DPF3: variants seen among roughly 807,000 people sequenced by gnomAD.
The protein encoded by DPF3 is zinc finger protein DPF3.
DPF3 carries 18 observed loss-of-function variants against 56.8 expected under a neutral mutation model. The ratio of observed to expected loss-of-function variants is 0.32; its 90% CI spans 0.22 to 0.47. The LOEUF is 0.47. DPF3 is among the 20% of genes least tolerant of loss of function. The probability of loss-of-function intolerance (pLI) is 1.00; values close to 1 mark genes in which losing one functional copy is unlikely to be tolerated. For missense variants in DPF3, 403 were observed against 488.8 expected (o/e 0.82, Z 1.65); for synonymous variants, 188 against 180.2 (o/e 1.04, Z -0.35).
At chr14:72,713,913 C>T (rs1485350567) in intron 6 of DPF3, among the ~76,000 whole-genome samples, 1 of 152,180 alleles carries the variant, frequency 6.6e-6, no homozygotes, top group Non-Finnish European at 1.5e-5. Flanking sequence ...AGATTGAGGG[C>T]CATTTATTAA....
intron 6 of DPF3, 87 bp from the exon 7 acceptor site, chr14:72,693,300 C>T: frequency 6.9e-7 from 1 of 1,440,804 alleles, no homozygotes; most frequent in East Asian, 2.5e-5. Flanking sequence ...ACAGTGATCC[C>T]ATCCATCCAC....
intron 1 of DPF3, among the ~76,000 whole-genome samples, chr14:72,792,661 G>A (rs1235365020): frequency 6.6e-6 from 1 of 151,840 alleles, no homozygotes; most frequent in South Asian, 2.1e-4. Flanking sequence ...CCAAGGACCC[G>A]CAGTAGCAGC....
At chr14:72,642,092 T>C (rs989276833) in intron 8 of DPF3, among the ~76,000 whole-genome samples, 1 of 152,180 alleles carries the variant, frequency 6.6e-6, no homozygotes, top group Admixed American at 6.5e-5. Flanking sequence ...GAGAGTGAGC[T>C]TGGAAGTGAC....
chr14:72,853,804 C>T (rs1458691835), intron 1 of DPF3, among the ~76,000 whole-genome samples: 1 of 152,178 alleles, frequency 6.6e-6, no homozygotes, highest in African/African-American at 2.4e-5. Context: ...TGCAAACTTT[C>T]ACTGCAGTAC....
chr14:72,845,726 C>A (rs1423158996), intron 1 of DPF3, among the ~76,000 whole-genome samples: 1 of 152,186 alleles, frequency 6.6e-6, no homozygotes, highest in Admixed American at 6.5e-5. Context: ...AAACCATCTC[C>A]AACATCTGTT....
chr14:72,705,002 T>C (rs1204856884), intron 6 of DPF3, among the ~76,000 whole-genome samples: 1 of 152,144 alleles, frequency 6.6e-6, no homozygotes, highest in African/African-American at 2.4e-5. Context: ...TTCCTAGAGA[T>C]GTCCCTAGGA....
At chr14:72,851,976 T>G (rs1885002256) in intron 1 of DPF3, among the ~76,000 whole-genome samples, 1 of 152,232 alleles carries the variant, frequency 6.6e-6, no homozygotes, top group Non-Finnish European at 1.5e-5. Flanking sequence ...CAAACATCAA[T>G]TAATCCTCAA....
chr14:72,631,827 T>C (rs1051130209), intron 8 of DPF3, among the ~76,000 whole-genome samples: 1 of 152,208 alleles, frequency 6.6e-6, no homozygotes, highest in Non-Finnish European at 1.5e-5. Context: ...AGGAAAAGCA[T>C]AATTGGCCGT....
chr14:72,826,746 GAC>G (rs757832909), intron 1 of DPF3, among the ~76,000 whole-genome samples: 3 of 152,068 alleles, frequency 2.0e-5, no homozygotes, highest in Non-Finnish European at 2.9e-5. Context: ...CTGGGAACAA[GAC>G]ACATTCACAG....
intron 1 of DPF3, among the ~76,000 whole-genome samples, chr14:72,840,532 C>T (rs1884502251): frequency 6.6e-6 from 1 of 151,962 alleles, no homozygotes; most frequent in African/African-American, 2.4e-5. Context: ...TGTAATTTTA[C>T]ACACACACAC....
chr14:72,751,179 G>A (rs1337880512), intron 3 of DPF3, among the ~76,000 whole-genome samples: 1 of 152,020 alleles, frequency 6.6e-6, no homozygotes, highest in Non-Finnish European at 1.5e-5. Flanking sequence ...AACAGAGCGT[G>A]ACCCTACCCT....
chr14:72,837,376 G>T (rs1884340741), intron 1 of DPF3, among the ~76,000 whole-genome samples: 1 of 151,998 alleles, frequency 6.6e-6, no homozygotes, highest in Non-Finnish European at 1.5e-5. Flanking sequence ...GCATTTTTTT[G>T]GGGTCCTACT....
intron 1 of DPF3, among the ~76,000 whole-genome samples, chr14:72,797,140 C>A (rs1189327066): frequency 6.6e-6 from 1 of 152,220 alleles, no homozygotes; most frequent in Non-Finnish European, 1.5e-5. Flanking sequence ...TTCCCTTCTG[C>A]TCTCCGGGAA....
chr14:72,717,511 C>T (rs747895193), intron 5 of DPF3, among the ~76,000 whole-genome samples: 7 of 152,180 alleles, frequency 4.6e-5, no homozygotes, highest in Non-Finnish European at 8.8e-5. Context: ...CAGTCAGGTG[C>T]CTGCTGTTTC....
chr14:72,873,173 TC>T (rs570037559), intron 1 of DPF3, among the ~76,000 whole-genome samples: 6,813 of 152,118 alleles, frequency 0.045, 233 homozygotes, highest in Non-Finnish European at 0.074. Context: ...AATCTACTCA[TC>T]TGACAAAGGG....
chr14:72,772,199 G>A (rs1422466303), intron 1 of DPF3, among the ~76,000 whole-genome samples: 1 of 152,206 alleles, frequency 6.6e-6, no homozygotes, highest in Non-Finnish European at 1.5e-5. Flanking sequence ...GAAGCATGAG[G>A]TCCCACTCCA....
chr14:72,826,844 C>T (rs1883824443), intron 1 of DPF3, among the ~76,000 whole-genome samples: 1 of 152,028 alleles, frequency 6.6e-6, no homozygotes, highest in African/African-American at 2.4e-5. Context: ...AGATCAAGAC[C>T]ATCCTGGCAA....
At chr14:72,650,047 G>A (rs1209909820) in intron 8 of DPF3, among the ~76,000 whole-genome samples, 1 of 152,172 alleles carries the variant, frequency 6.6e-6, no homozygotes, top group East Asian at 1.9e-4. Context: ...CCTGCCAGAG[G>A]GCTGGGGCAA....
intron 8 of DPF3, among the ~76,000 whole-genome samples, chr14:72,667,164 G>A (rs78071894): frequency 0.02 from 3,008 of 152,058 alleles, 66 homozygotes; most frequent in South Asian, 0.1. Context: ...CTAAAATACC[G>A]GTAGCAAATT....
Sources: gnomAD v4.1 joint callset for allele counts (sites outside exome capture counted in the v4.1 genomes callset) on GRCh38, gnomAD v4.1.1 for gene constraint, MANE v1.5 for transcripts, NCBI Gene and HGNC (gene_info 2026-07-23, HGNC 2026-07-21) for gene names.